LSM12: variants seen among roughly 807,000 people sequenced by gnomAD.
LSM12 encodes LSM12 homolog.
For synonymous variants in LSM12, 74 were observed against 87.3 expected (o/e 0.85, Z 0.85); for missense variants, 108 against 238.9 (o/e 0.45, Z 3.61).
intron 2 of LSM12, among the ~76,000 whole-genome samples, chr17:44,046,624 G>A: frequency 6.8e-6 from 1 of 147,868 alleles, no homozygotes; most frequent in Non-Finnish European, 1.5e-5. Flanking sequence ...GGAGAAAGGC[G>A]TGAACTCAGG....
chr17:44,038,837 TG>T (rs1241376784), intron 3 of LSM12, among the ~76,000 whole-genome samples: 2 of 152,322 alleles, frequency 1.3e-5, no homozygotes, highest in South Asian at 2.1e-4. Context: ...CTGATGCGAC[TG>T]GGAGTTCCTT....
At chr17:44,066,329 C>T in intron 1 of LSM12, 135 bp downstream of exon 1, 1 of 1,174,382 alleles carries the variant, frequency 8.5e-7, no homozygotes, top group Non-Finnish European at 1.1e-6. Flanking sequence ...GGGCCGTGCG[C>T]ATGCGCCCCG....
At chr17:44,059,806 G>T (rs1468418705) in intron 2 of LSM12, among the ~76,000 whole-genome samples, 1 of 152,052 alleles carries the variant, frequency 6.6e-6, no homozygotes, top group Non-Finnish European at 1.5e-5. Context: ...TTATCAACAG[G>T]TTTAATTAAG....
At chr17:44,037,276 A>C in intron 4 of LSM12, 136 bp downstream of exon 4, 1 of 1,064,642 alleles carries the variant, frequency 9.4e-7, no homozygotes, top group Non-Finnish European at 1.3e-6. Context: ...AGTACAGGGA[A>C]GGCAGGGAGG....
In LSM12 at chr17:44,035,782, T is replaced by A. The variant is rs1597880364; in HGVS notation, c.*426A>T. On this transcript the variant is annotated 3_prime_UTR_variant, in exon 5 of 5. Transcript: ENST00000293406. ...CTCAATTTAAGAATCACAGTCAGCT[T>A]GTTACTTTTATTTTGGAAGAAAAGA... 6.5e-6 allele frequency: 1 copy of A among 153,784 alleles called. No homozygotes were observed. The highest frequency in any genetic ancestry group is 2.4e-5 in the African/African-American group (1 of 41,300). 9.5% of individuals were successfully genotyped at this position (153,784 alleles called of 1,614,324 possible).
At chr17:44,055,723 A>T (rs1055972153) in intron 2 of LSM12, among the ~76,000 whole-genome samples, 4 of 143,888 alleles carry the variant, frequency 2.8e-5, no homozygotes, top group African/African-American at 1.0e-4. Context: ...AATATATATA[A>T]AATATATTAT....
chr17:44,066,322 C>T, intron 1 of LSM12, 142 bp downstream of exon 1: 1 of 1,077,078 alleles, frequency 9.3e-7, no homozygotes, highest in Non-Finnish European at 1.3e-6. Flanking sequence ...GAGCTCAGGG[C>T]CGTGCGCATG....
chr17:44,050,512 G>A (rs1442411170), intron 2 of LSM12, among the ~76,000 whole-genome samples: 1 of 146,378 alleles, frequency 6.8e-6, no homozygotes, highest in Admixed American at 6.9e-5. Context: ...GCTTGTGCCT[G>A]AACATTTTTT....
intron 3 of LSM12, among the ~76,000 whole-genome samples, chr17:44,038,433 C>CAGGT (rs1567954708): frequency 4.6e-5 from 7 of 150,996 alleles, no homozygotes; most frequent in Non-Finnish European, 1.0e-4. Flanking sequence ...CCGAAGTGGG[C>CAGGT]GGATCATGAG....
chr17:44,059,829 T>C (rs1295596679), intron 2 of LSM12, among the ~76,000 whole-genome samples: 3 of 152,132 alleles, frequency 2.0e-5, no homozygotes, highest in East Asian at 3.9e-4. Flanking sequence ...GATCACTTAC[T>C]ATGTCAGCAA....
intron 3 of LSM12, among the ~76,000 whole-genome samples, chr17:44,039,602 C>T (rs2049462672): frequency 6.9e-6 from 1 of 145,536 alleles, no homozygotes; most frequent in Non-Finnish European, 1.5e-5. Context: ...AGGATGGTCT[C>T]GATCTCCTGA....
intron 2 of LSM12, among the ~76,000 whole-genome samples, chr17:44,062,503 C>G (rs748416407): frequency 2.7e-4 from 41 of 152,126 alleles, no homozygotes; most frequent in Non-Finnish European, 4.6e-4. Context: ...GAAAAATGTT[C>G]CAAGTACAGG....
At chr17:44,046,477 G>A (rs1325613177) in intron 2 of LSM12, among the ~76,000 whole-genome samples, 2 of 151,142 alleles carry the variant, frequency 1.3e-5, no homozygotes, top group Non-Finnish European at 2.9e-5. Context: ...GGAGGCCGAG[G>A]CGGATGGATC....
chr17:44,066,056 G>A (rs1385754312), intron 1 of LSM12, among the ~76,000 whole-genome samples: 1 of 152,024 alleles, frequency 6.6e-6, no homozygotes, highest in Non-Finnish European at 1.5e-5. Flanking sequence ...CCTACCAGCA[G>A]TTCCTTACCC....
chr17:44,037,555 G>A lies in LSM12; in HGVS notation c.369-17C>T. On this transcript the variant is annotated splice_polypyrimidine_tract_variant and intron_variant, in intron 3 of 4. Coordinates refer to ENST00000293406, the MANE Select transcript of LSM12 (RefSeq NM_001371445.1). ...TCTTTAATGCTGGAAGGAGAAGACA[G>A]CAGGCGAAATGTAACCTCTTGGGGG... 6.3e-7 allele frequency: 1 copy of A among 1,598,472 alleles called. No individual in the cohort carries two copies. Among genetic ancestry groups the A allele is most frequent in the Non-Finnish European group, 8.5e-7 (1 of 1,173,116 alleles).
At chr17:44,038,545 C>A (rs1191307385) in intron 3 of LSM12, among the ~76,000 whole-genome samples, 1 of 152,060 alleles carries the variant, frequency 6.6e-6, no homozygotes, top group Non-Finnish European at 1.5e-5. Context: ...GTCCCAGTTA[C>A]TCAGGAGGGT....
At chr17:44,038,932 G>T (rs1453784434) in intron 3 of LSM12, among the ~76,000 whole-genome samples, 2 of 152,154 alleles carry the variant, frequency 1.3e-5, no homozygotes, top group Non-Finnish European at 2.9e-5. Flanking sequence ...CAGATCCAGG[G>T]TGGTTAAACA....
rs1360386322 is a variant in LSM12 at position 44,066,448 on chromosome 17, A to C, written c.124+16T>G. On this transcript the variant is annotated intron_variant, in intron 1 of 4. Transcript: ENST00000293406. The stretch of plus-strand genomic sequence containing the variant: ...ACACGCCGGCCCGGACTCGGGCTTC[A>C]CGCAGGGAAGGATACTTAAAGCCAG... The C allele has an allele frequency of 1.9e-6, 3 of 1,555,522 alleles. No homozygotes were observed. The highest frequency in any genetic ancestry group is 1.7e-6 in the Non-Finnish European group (2 of 1,152,766).
intron 2 of LSM12, among the ~76,000 whole-genome samples, chr17:44,043,025 G>A (rs2049515689): frequency 6.6e-6 from 1 of 152,198 alleles, no homozygotes; most frequent in Non-Finnish European, 1.5e-5. Flanking sequence ...TTATAGCAGA[G>A]GAAGTAAACC....
Sources: gnomAD v4.1 joint callset for allele counts (sites outside exome capture counted in the v4.1 genomes callset) on GRCh38, gnomAD v4.1.1 for gene constraint, MANE v1.5 for transcripts, NCBI Gene and HGNC (gene_info 2026-07-23, HGNC 2026-07-21) for gene names.